BBS9: variants seen among roughly 807,000 people sequenced by gnomAD.
BBS9 encodes the protein protein PTHB1.
Under a neutral mutation model 117.7 loss-of-function variants are expected in BBS9, and 89 were observed. The ratio of observed to expected loss-of-function variants is 0.76; its 90% CI spans 0.64 to 0.90. BBS9 has a LOEUF of 0.90. Among genes scored for constraint, BBS9 ranks in the 40% least tolerant of loss-of-function variants. The pLI is 0.00. For missense variants in BBS9, 982 were observed against 1,042.2 expected (o/e 0.94, Z 0.80); for synonymous variants, 379 against 370.9 (o/e 1.02, Z -0.25).
chr7:33,252,240 A>C (rs1796328082), intron 5 of BBS9, among the ~76,000 whole-genome samples: 2 of 152,162 alleles, frequency 1.3e-5, no homozygotes, highest in Admixed American at 6.5e-5. Flanking sequence ...CACCCTCGTG[A>C]TCCAATTACC....
intron 5 of BBS9, among the ~76,000 whole-genome samples, chr7:33,195,243 T>C (rs1024607015): frequency 7.9e-5 from 12 of 152,282 alleles, no homozygotes; most frequent in South Asian, 4.1e-4. Flanking sequence ...TGTTGAATGA[T>C]TGAACCAAAA....
intron 5 of BBS9, among the ~76,000 whole-genome samples, chr7:33,256,938 T>C (rs770326272): frequency 2.0e-5 from 3 of 152,170 alleles, no homozygotes; most frequent in Non-Finnish European, 4.4e-5. Context: ...TTTTCTATGA[T>C]AAACTGTATC....
chr7:33,605,383 A>T lies in BBS9; in HGVS notation c.*157A>T. 1.3e-6 allele frequency: 1 copy of T among 768,472 alleles called. No individual in the cohort carries two copies. The highest frequency in any genetic ancestry group is 2.3e-6 in the Non-Finnish European group (1 of 435,362). The allele number at this position is 768,472 out of a possible 1,614,324, so 47.6% of individuals were successfully genotyped here. ...ATAGAAAGAGGGGTTGGGACTTTTTACTTCACTAGGAGAACTTGTAACACC... is the reference window on the plus strand; with the variant it reads ...ATAGAAAGAGGGGTTGGGACTTTTTTCTTCACTAGGAGAACTTGTAACACC... On this transcript the variant is annotated 3_prime_UTR_variant, in exon 23 of 23. Coordinates refer to ENST00000242067, the MANE Select transcript of BBS9 (RefSeq NM_198428.3).
At chr7:33,181,199 G>T (rs938970704) in intron 5 of BBS9, among the ~76,000 whole-genome samples, 1 of 152,170 alleles carries the variant, frequency 6.6e-6, no homozygotes, top group Non-Finnish European at 1.5e-5. Context: ...TGCCAGAGTG[G>T]ACGAAGTGCA....
At chr7:33,523,355 C>G (rs1183291440) in intron 20 of BBS9, among the ~76,000 whole-genome samples, 2 of 97,316 alleles carry the variant, frequency 2.1e-5, no homozygotes, top group African/African-American at 9.1e-5. Flanking sequence ...GCCATTTTCA[C>G]GATATTGATT....
chr7:33,403,718 T>G (rs1183502631), intron 19 of BBS9, among the ~76,000 whole-genome samples: 1 of 152,090 alleles, frequency 6.6e-6, no homozygotes, highest in East Asian at 1.9e-4. Flanking sequence ...TCTATCATTG[T>G]TGGACATTTG....
intron 9 of BBS9, 52 bp from the exon 10 acceptor site, chr7:33,336,389 C>A: frequency 6.9e-7 from 1 of 1,447,876 alleles, no homozygotes; most frequent in South Asian, 1.2e-5. Context: ...TTGGTCAAGA[C>A]TAACTCTACT....
At chr7:33,531,347 G>A (rs975035907) in intron 20 of BBS9, among the ~76,000 whole-genome samples, 1 of 152,158 alleles carries the variant, frequency 6.6e-6, no homozygotes, top group Non-Finnish European at 1.5e-5. Flanking sequence ...TGCACTCAAT[G>A]TGAATCAAGA....
Position 33,303,271 on chromosome 7 carries a change from A to G in BBS9, c.1016+29315A>G, listed in dbSNP as rs895234482. Among the ~76,000 whole-genome samples, 5 of 152,106 alleles carry G rather than the reference A, an allele frequency of 3.3e-5. No individual in the cohort carries two copies. The South Asian group carries it at 6.2e-4, about 19-fold the overall frequency. On this transcript the variant is annotated intron_variant, in intron 9 of 22. Coordinates refer to ENST00000242067, the MANE Select transcript of BBS9 (RefSeq NM_198428.3). ...GCCCTTTATTTTTTTCTGTAGTCCA[A>G]TTGATCTAGATAGGACTTTCAGTAC...
chr7:33,200,814 G>A (rs186056683), intron 5 of BBS9, among the ~76,000 whole-genome samples: 14 of 152,152 alleles, frequency 9.2e-5, no homozygotes, highest in African/African-American at 3.4e-4. Flanking sequence ...CACATTTCTG[G>A]TCATCAGTTT....
At chr7:33,410,429 G>C (rs550694892) in intron 19 of BBS9, among the ~76,000 whole-genome samples, 48 of 152,046 alleles carry the variant, frequency 3.2e-4, no homozygotes, top group African/African-American at 1.0e-3. Flanking sequence ...GTTTCATCTT[G>C]GTCAGTCACC....
intron 21 of BBS9, among the ~76,000 whole-genome samples, chr7:33,565,929 A>G (rs947825062): frequency 6.8e-6 from 1 of 148,038 alleles, no homozygotes. Context: ...ATACAGGTAC[A>G]AGGTGAGAAG....
intron 1 of BBS9, among the ~76,000 whole-genome samples, chr7:33,144,354 T>C (rs914847001): frequency 3.3e-5 from 5 of 152,238 alleles, no homozygotes; most frequent in African/African-American, 1.2e-4. Context: ...ATCCTCATTA[T>C]TGGCAGACTC....
chr7:33,345,650 G>T (rs3884597), intron 12 of BBS9, among the ~76,000 whole-genome samples: 68,228 of 151,954 alleles, frequency 0.45, 15,576 homozygotes, highest in Admixed American at 0.53. Context: ...CCAATCAAAG[G>T]CTCTATCTCA....
At position 33,370,098 on chromosome 7, in the gene BBS9, T is replaced by A. The variant is rs569125607; in HGVS notation, c.1789+2236T>A. Among the ~76,000 whole-genome samples the A allele has an allele frequency of 3.3e-5, 5 of 152,156 alleles. 1 individual carries two copies. The South Asian group carries it at 1.0e-3, about 32-fold the overall frequency. On this transcript the variant is annotated intron_variant, in intron 17 of 22. Transcript: ENST00000242067. ...CAAAGCAAACAAGAGAAAAGTAAGG[T>A]GTAGCTCATTGTCTCAGACACCAAA...
upstream of BBS9, chr7:33,129,322 G>A: frequency 1.8e-6 from 1 of 545,116 alleles, no homozygotes; most frequent in Non-Finnish European, 3.3e-6. Flanking sequence ...CAGGCAGGAG[G>A]AGGGTCTTCC....
At chr7:33,409,539 C>G (rs1830720692) in intron 19 of BBS9, among the ~76,000 whole-genome samples, 6 of 152,292 alleles carry the variant, frequency 3.9e-5, no homozygotes, top group Admixed American at 3.9e-4. Context: ...CAGTACCCTG[C>G]TGTTTTGGTT....
chr7:33,135,681 C>A (rs1790342844), intron 1 of BBS9, among the ~76,000 whole-genome samples: 1 of 152,176 alleles, frequency 6.6e-6, no homozygotes, highest in African/African-American at 2.4e-5. Flanking sequence ...AAATTCCATA[C>A]AAATTTTAGA....
intron 21 of BBS9, among the ~76,000 whole-genome samples, chr7:33,569,534 T>C (rs535743998): frequency 6.6e-6 from 1 of 151,376 alleles, no homozygotes; most frequent in South Asian, 2.1e-4. Context: ...GGCGGGCAGA[T>C]CACGAGGTCA....
Sources: allele counts gnomAD v4.1 joint callset (sites outside exome capture counted in the v4.1 genomes callset), GRCh38; gene constraint gnomAD v4.1.1; transcripts MANE v1.5; gene names NCBI Gene and HGNC (gene_info 2026-07-23, HGNC 2026-07-21).